Variants in SLIRP observed in about 807,000 individuals in gnomAD.
The protein encoded by SLIRP is SRA stem-loop-interacting RNA-binding protein, mitochondrial.
In SLIRP, 12 loss-of-function variants were observed where a neutral mutation model predicts 13.4. That is an observed-to-expected ratio of 0.89 (90% CI 0.57 to 1.45). The LOEUF (loss-of-function observed/expected upper bound fraction) is 1.45, where lower values mean the gene tolerates loss of function less well. Ranked by LOEUF, SLIRP falls within the 40% of genes most tolerant of loss-of-function variation. The pLI, the probability that SLIRP is intolerant of heterozygous loss-of-function variation, is 0.00. For missense variants in SLIRP, 154 were observed against 132.2 expected (o/e 1.17, Z -0.81); for synonymous variants, 55 against 47.1 (o/e 1.17, Z -0.69).
intron 3 of SLIRP, among the ~76,000 whole-genome samples, chr14:77,716,739 T>C (rs527853120): frequency 2.0e-5 from 3 of 151,744 alleles, no homozygotes; most frequent in South Asian, 2.1e-4. Context: ...TAGCAAGATA[T>C]GTAACACAGT....
chr14:77,710,333 G>C (rs571103972), intron 1 of SLIRP, among the ~76,000 whole-genome samples: 1 of 152,130 alleles, frequency 6.6e-6, no homozygotes, highest in East Asian at 1.9e-4. Context: ...TGCAAAGAGG[G>C]TAACCCGCAG....
chr14:77,712,287 T>C (rs1362275514), intron 2 of SLIRP, among the ~76,000 whole-genome samples: 1 of 151,460 alleles, frequency 6.6e-6, no homozygotes, highest in African/African-American at 2.4e-5. Context: ...TTTTTTTTTT[T>C]TTTGAGATGG....
intron 1 of SLIRP, among the ~76,000 whole-genome samples, chr14:77,709,617 A>G (rs569310591): frequency 4.6e-4 from 70 of 152,312 alleles, no homozygotes; most frequent in African/African-American, 1.6e-3. Context: ...TTGAGTATCT[A>G]TTCTGTGGTA....
At position 77,717,549 on chromosome 14, in the gene SLIRP, G is replaced by A; in HGVS notation, c.318G>A (p.Lys106=). 6.2e-7 allele frequency: 1 copy of A among 1,613,768 alleles called. No homozygotes were observed. Among genetic ancestry groups the A allele is most frequent in the Non-Finnish European group, 8.5e-7 (1 of 1,179,804 alleles). The stretch of plus-strand genomic sequence containing the variant: ...TTCCGCAAACATCTGATGATGAAAA[G>A]AAAGATTTTTGAGACTGCAGCCTAT... ...PKLPQTSDDE[K]KDF is the part of the protein sequence containing the mutation. The change falls in exon 4 of 4, where the codon AAG becomes AAA. Residue 106 remains lysine, a synonymous_variant. Coordinates refer to ENST00000557342, the MANE Select transcript of SLIRP (RefSeq NM_031210.6).
intron 1 of SLIRP, chr14:77,710,633 A>C: frequency 1.3e-6 from 2 of 1,523,552 alleles, no homozygotes; most frequent in Non-Finnish European, 1.8e-6. Context: ...AGCCAACTCA[A>C]CAACTTCTCT....
Position 77,715,796 on chromosome 14 carries a change from G to A in SLIRP, c.181G>A (p.Gly61Ser). 7 of 1,614,078 alleles carry A rather than the reference G, an allele frequency of 4.3e-6. No individual in the cohort carries two copies. Among genetic ancestry groups the A allele is most frequent in the Non-Finnish European group, 5.9e-6 (7 of 1,179,992 alleles). Residue 61 changes from glycine to serine, a missense_variant, in exon 3 of 4, where the codon GGT (glycine) becomes AGT (serine). By Grantham distance (56) the Gly-to-Ser change is moderately conservative. Coordinates refer to ENST00000557342, the MANE Select transcript of SLIRP (RefSeq NM_031210.6). Reference protein sequence around the residue: ...PFDKETGFHRGLGWVQFSSEE... With the variant: ...PFDKETGFHRSLGWVQFSSEE... ...GGACAAGGAGACTGGCTTTCACAGA[G>A]GTTTGGGTTGGGTTCAGTTTTCTTC...
At chr14:77,716,910 C>T (rs1277290223) in intron 3 of SLIRP, among the ~76,000 whole-genome samples, 2 of 151,960 alleles carry the variant, frequency 1.3e-5, no homozygotes, top group African/African-American at 2.4e-5. Context: ...TACAGGCATG[C>T]GCCACCACGC....
chr14:77,713,996 T>C (rs1182737004), intron 2 of SLIRP, among the ~76,000 whole-genome samples: 2 of 151,648 alleles, frequency 1.3e-5, no homozygotes, highest in Admixed American at 1.3e-4. Context: ...TTCCATTCAT[T>C]GTACTCTAGT....
intron 1 of SLIRP, among the ~76,000 whole-genome samples, chr14:77,708,943 T>C (rs1200842207): frequency 6.6e-6 from 1 of 152,136 alleles, no homozygotes; most frequent in Non-Finnish European, 1.5e-5. Flanking sequence ...CTGAAGTTAG[T>C]ATGGGAAAAG....
chr14:77,708,239 T>A (rs1595063014), intron 1 of SLIRP, 31 bp downstream of exon 1: 1 of 1,603,856 alleles, frequency 6.2e-7, no homozygotes, highest in East Asian at 2.2e-5. Flanking sequence ...AGTAGTGGAA[T>A]TTTTAGGTCC....
Position 77,717,536 on chromosome 14 carries a change from CTGA to C in SLIRP, c.312_314del (p.Asp104del). 2 of 1,614,010 alleles carry C rather than the reference CTGA, an allele frequency of 1.2e-6. No homozygotes were observed. Among genetic ancestry groups the C allele is most frequent in the Non-Finnish European group, 1.7e-6 (2 of 1,179,968 alleles). ...AGAAGGCCAAAACTTCCGCAAACAT[CTGA>C]TGATGAAAAGAAAGATTTTTGAGAC... On this transcript the variant is annotated inframe_deletion, in exon 4 of 4. Coordinates refer to ENST00000557342, the MANE Select transcript of SLIRP (RefSeq NM_031210.6).
chr14:77,712,632 G>A (rs2080449734), intron 2 of SLIRP, among the ~76,000 whole-genome samples: 2 of 152,114 alleles, frequency 1.3e-5, no homozygotes, highest in Non-Finnish European at 1.5e-5. Context: ...TTTTAGTAGA[G>A]ATGGAGTTTC....
At chr14:77,713,428 G>A (rs1053131863) in intron 2 of SLIRP, among the ~76,000 whole-genome samples, 2 of 151,962 alleles carry the variant, frequency 1.3e-5, no homozygotes, top group African/African-American at 4.8e-5. Context: ...CTTAATTCTT[G>A]GTTTAATGTT....
chr14:77,711,183 A>G (rs1325828977), intron 2 of SLIRP, among the ~76,000 whole-genome samples: 1 of 149,140 alleles, frequency 6.7e-6, no homozygotes, highest in African/African-American at 2.5e-5. Context: ...CATCTCATGT[A>G]CTCCATAATA....
intron 2 of SLIRP, 53 bp from the exon 3 acceptor site, chr14:77,715,719 T>A (rs749432686): frequency 6.8e-7 from 1 of 1,473,522 alleles, no homozygotes; most frequent in Non-Finnish European, 9.3e-7. Context: ...TTGGAACTCA[T>A]GGAAACTTTC....
chr14:77,709,561 C>G (rs936361103), intron 1 of SLIRP, among the ~76,000 whole-genome samples: 1 of 152,110 alleles, frequency 6.6e-6, no homozygotes, highest in Non-Finnish European at 1.5e-5. Flanking sequence ...TGTACAGCTT[C>G]GAAACAGTTT....
Position 77,710,780 on chromosome 14 carries a change from C to G in SLIRP, c.98-58C>G, listed in dbSNP as rs2080433657. 1.9e-6 allele frequency: 3 copies of G among 1,606,272 alleles called. No homozygotes were observed. The African/African-American group carries it at 4.0e-5, about 21-fold the overall frequency. On this transcript the variant is annotated intron_variant, in intron 1 of 3. Coordinates refer to ENST00000557342, the MANE Select transcript of SLIRP (RefSeq NM_031210.6). ...TCTGGTGACCCTGTCTTTCTACAGT[C>G]TAAGATAGAGAATCCAAAATATAGT...
In SLIRP at chr14:77,717,489, T is replaced by A. The variant is rs766745210; in HGVS notation, c.265-7T>A. ...CTTTCCTCCCTTACAGTGCTTATTT[T>A]TTTAAGGTCCAGGTTCACACTAGAA... On this transcript the variant is annotated splice_polypyrimidine_tract_variant and splice_region_variant and intron_variant, in intron 3 of 3. Coordinates refer to ENST00000557342, the MANE Select transcript of SLIRP (RefSeq NM_031210.6). 1.9e-6 allele frequency: 3 copies of A among 1,611,878 alleles called. No homozygotes were observed. The Admixed American group carries it at 5.0e-5, about 27-fold the overall frequency.
At position 77,713,444 on chromosome 14, in the gene SLIRP, A is replaced by T. The variant is rs1437393498; in HGVS notation, c.157-2328A>T. Among the ~76,000 whole-genome samples, 4 of 152,084 alleles carry T rather than the reference A, an allele frequency of 2.6e-5. No homozygotes were observed. The East Asian group carries it at 7.7e-4, about 29-fold the overall frequency. The stretch of plus-strand genomic sequence containing the variant: ...TTAATTCTTGGTTTAATGTTACTTG[A>T]CTCCCAAAGACTAACAGATTAGTTA... On this transcript the variant is annotated intron_variant, in intron 2 of 3. Coordinates refer to ENST00000557342, the MANE Select transcript of SLIRP (RefSeq NM_031210.6).
Sources: gnomAD v4.1 joint callset for allele counts (sites outside exome capture counted in the v4.1 genomes callset) on GRCh38, gnomAD v4.1.1 for gene constraint, MANE v1.5 for transcripts, NCBI Gene and HGNC (gene_info 2026-07-23, HGNC 2026-07-21) for gene names.